NCOA6: variants seen among roughly 807,000 people sequenced by gnomAD.
NCOA6 encodes NRC RAP250.
NCOA6 carries 49 observed loss-of-function variants against 171.4 expected under a neutral mutation model. The ratio of observed to expected loss-of-function variants is 0.29; its 90% CI spans 0.23 to 0.36. The LOEUF (loss-of-function observed/expected upper bound fraction) is 0.36, where lower values mean the gene tolerates loss of function less well. Among genes scored for constraint, NCOA6 ranks in the 10% least tolerant of loss-of-function variants. The pLI is 1.00. For missense variants in NCOA6, 2,248 were observed against 2,554.5 expected (o/e 0.88, Z 2.59); for synonymous variants, 910 against 927.5 (o/e 0.98, Z 0.34).
At position 34,796,640 on chromosome 20, in the gene NCOA6, T is replaced by C. The variant is rs559615952; in HGVS notation, c.-163-4077A>G. ...CCAGCCCAGGCAACACAGTGAGATA[T>C]TGTTTCAACTAAAAAAAATAAATAA... On this transcript the variant is annotated intron_variant, in intron 1 of 14. Transcript: ENST00000359003. 6.6e-5 allele frequency among the ~76,000 whole-genome samples: 10 copies of C among 152,008 alleles called. No individual in the cohort carries two copies. In the South Asian group the frequency reaches 1.7e-3, roughly 25 times the overall value.
intron 1 of NCOA6, among the ~76,000 whole-genome samples, chr20:34,822,467 C>A (rs2079035179): frequency 6.6e-6 from 1 of 152,204 alleles, no homozygotes; most frequent in Non-Finnish European, 1.5e-5. Flanking sequence ...TAGGACACAT[C>A]TCAAATGTCA....
At chr20:34,731,650 T>C (rs2075782795) in intron 13 of NCOA6, among the ~76,000 whole-genome samples, 1 of 152,148 alleles carries the variant, frequency 6.6e-6, no homozygotes, top group Non-Finnish European at 1.5e-5. Context: ...GAAGATTAAA[T>C]GAAAAAAATA....
Position 34,749,784 on chromosome 20 carries a change from G to A in NCOA6, c.2411C>T (p.Pro804Leu), listed in dbSNP as rs758706608. Residue 804 changes from proline (P) to leucine (L), a missense_variant, in exon 9 of 15, where the codon CCT (proline) becomes CTT (leucine). Transcript: ENST00000359003. Reference protein sequence around the residue: ...SPHMAQQHGDPATTANNDVSL... With the variant: ...SPHMAQQHGDLATTANNDVSL... Reference sequence around the variant, plus strand: ...GACATCGTTATTTGCTGTAGTAGCAGGATCACCATGCTGCTGGGCCATGTG... The same window carrying A: ...GACATCGTTATTTGCTGTAGTAGCAAGATCACCATGCTGCTGGGCCATGTG... 6.2e-7 allele frequency: 1 copy of A among 1,614,242 alleles called. No individual in the cohort carries two copies. The highest frequency in any genetic ancestry group is 1.7e-5 in the Admixed American group (1 of 60,030).
intron 14 of NCOA6, among the ~76,000 whole-genome samples, chr20:34,724,145 G>T (rs1254729585): frequency 6.6e-6 from 1 of 152,082 alleles, no homozygotes; most frequent in African/African-American, 2.4e-5. Context: ...CCAGAGAGGA[G>T]GAATGAAGTT....
chr20:34,775,100 A>C (rs2037120435), intron 4 of NCOA6, among the ~76,000 whole-genome samples: 1 of 152,126 alleles, frequency 6.6e-6, no homozygotes, highest in Non-Finnish European at 1.5e-5. Flanking sequence ...AATGCAAAGG[A>C]CCTGTGGCAG....
chr20:34,721,554 A>C (rs897357413), intron 14 of NCOA6, among the ~76,000 whole-genome samples: 3 of 152,314 alleles, frequency 2.0e-5, no homozygotes, highest in South Asian at 2.1e-4. Flanking sequence ...GATTCTTATA[A>C]GGACTACACA....
Position 34,742,261 on chromosome 20 carries a change from G to A in NCOA6, c.3995C>T (p.Ser1332Phe). The change falls in exon 11 of 15, where the codon TCT (serine) becomes TTT (phenylalanine). Residue 1332 changes from serine to phenylalanine, a missense_variant. This residue lies in a region of NCOA6 where 884 missense variants were observed against 941.9 expected (regional missense o/e 0.94). Transcript: ENST00000359003. ...GGTTTTCCTACTGGACCCAGGACTA[G>A]ACCTGCGACTGTTGCTTGGACTTGC... ...KRASPSNSRR[S>F]SPGSSRKTTP... 1 of 1,614,226 alleles carries A rather than the reference G, an allele frequency of 6.2e-7. No individual in the cohort carries two copies.
intron 8 of NCOA6, 38 bp from the exon 9 acceptor site, chr20:34,750,557 ATT>A: frequency 6.5e-7 from 1 of 1,528,760 alleles, no homozygotes; most frequent in Admixed American, 2.2e-5. Context: ...AGAAATAAAT[ATT>A]TTTATCTTAT....
rs760661602 is a variant in NCOA6, at chr20:34,741,189, C to T, written c.5067G>A (p.Leu1689=). 2 of 1,614,100 alleles carry T rather than the reference C, an allele frequency of 1.2e-6. No homozygotes were observed. Among genetic ancestry groups the T allele is most frequent in the Non-Finnish European group, 1.7e-6 (2 of 1,180,048 alleles). ...CAACAACTGCAACAGAGGGAGGCATCAGGCCAGAGTTGGTTGTCAGTGGGG... is the reference window on the plus strand; with the variant it reads ...CAACAACTGCAACAGAGGGAGGCATTAGGCCAGAGTTGGTTGTCAGTGGGG... ...PAAPLTTNSG[L]MPPSVAVVGP... Residue 1689 remains leucine, a synonymous_variant, in exon 11 of 15, where the codon CTG becomes CTA. Transcript: ENST00000359003.
At position 34,813,115 on chromosome 20, in the gene NCOA6, C is replaced by T. The variant is rs183100464; in HGVS notation, c.-164+12357G>A. ...AGGAGGTTGCAGTGAGTCGAGATCA[C>T]GCCATTGCACTCCAGCCTGGGAGAC... is the stretch of plus-strand genomic sequence containing the variant. On this transcript the variant is annotated intron_variant, in intron 1 of 14. Transcript: ENST00000359003. Among the ~76,000 whole-genome samples the T allele has an allele frequency of 1.6e-3, 236 of 150,444 alleles. 1 individual carries two copies. The highest frequency in any genetic ancestry group is 6.7e-3 in the Admixed American group (101 of 15,092).
In NCOA6 at chr20:34,742,625, T is replaced by C; in HGVS notation, c.3631A>G (p.Thr1211Ala). 1 of 1,614,076 alleles carries C rather than the reference T, an allele frequency of 6.2e-7. No homozygotes were observed. Among genetic ancestry groups the C allele is most frequent in the South Asian group, 1.1e-5 (1 of 91,080 alleles). ...AAPTQTSRPKTPNRASPRPYY... is the reference protein window; with the variant it reads ...AAPTQTSRPKAPNRASPRPYY... ...GGTCTGGGGCTGGCTCTGTTTGGTG[T>C]TTTGGGCCTAGATGTCTGGGTTGGC... Residue 1211 changes from threonine to alanine, a missense_variant, in exon 11 of 15, where the codon ACA becomes GCA. Around this residue, in one of 7 missense-constraint regions of NCOA6, gnomAD observed 352 missense variants for 419.1 expected, o/e 0.84. Coordinates refer to ENST00000359003, the MANE Select transcript of NCOA6 (RefSeq NM_014071.5).
chr20:34,808,047 G>A (rs1389071866), intron 1 of NCOA6, among the ~76,000 whole-genome samples: 1 of 151,818 alleles, frequency 6.6e-6, no homozygotes, highest in Non-Finnish European at 1.5e-5. Flanking sequence ...CTACTCAGGA[G>A]GCTGAGGCAC....
chr20:34,776,779 A>C (rs950652741), intron 3 of NCOA6: 2 of 483,628 alleles, frequency 4.1e-6, no homozygotes, highest in Non-Finnish European at 8.1e-6. Context: ...ACAGGCAATG[A>C]ACGGAAAGCC....
At chr20:34,782,602 A>G (rs925203386) in intron 2 of NCOA6, among the ~76,000 whole-genome samples, 198 bp from the exon 3 acceptor site, 2 of 152,206 alleles carry the variant, frequency 1.3e-5, no homozygotes, top group Admixed American at 6.5e-5. Context: ...ATAAAAATAC[A>G]CTAGTCTTAA....
Position 34,758,795 on chromosome 20 carries a change from A to G in NCOA6, c.643+10T>C, listed in dbSNP as rs2076729120. The G allele has an allele frequency of 6.2e-7, 1 of 1,611,446 alleles. No homozygotes were observed. The highest frequency in any genetic ancestry group is 8.5e-7 in the Non-Finnish European group (1 of 1,179,304). On this transcript the variant is annotated intron_variant, in intron 6 of 14. Coordinates refer to ENST00000359003, the MANE Select transcript of NCOA6 (RefSeq NM_014071.5). ...CAGACTCTTCATCCTCAAAGATTGG[A>G]AGTCATTACCTGACTGAGAAGCAGG...
Position 34,715,358 on chromosome 20 carries a change from G to T in NCOA6, c.6156C>A (p.Thr2052=). The T allele has an allele frequency of 2.5e-6, 4 of 1,613,100 alleles. No individual in the cohort carries two copies. The highest frequency in any genetic ancestry group is 3.4e-6 in the Non-Finnish European group (4 of 1,179,066). The change falls in exon 15 of 15, where the codon ACC becomes ACA. Residue 2052 remains threonine, a synonymous_variant. Transcript: ENST00000359003. ...TTCTTCGCTTGGATTGCACCGCACTGGTTATGTCTGTGGGGGAAAGAAAGG... is the reference window on the plus strand; with the variant it reads ...TTCTTCGCTTGGATTGCACCGCACTTGTTATGTCTGTGGGGGAAAGAAAGG... ...ASASSSTKDI[T]SAVQSKRRKS...
chr20:34,808,989 C>T (rs2078559621), intron 1 of NCOA6, among the ~76,000 whole-genome samples: 1 of 152,218 alleles, frequency 6.6e-6, no homozygotes, highest in Non-Finnish European at 1.5e-5. Context: ...TAACTATATA[C>T]ACCTGCCCTT....
At chr20:34,732,723 T>C in intron 12 of NCOA6, 128 bp from the exon 13 acceptor site, 1 of 703,310 alleles carries the variant, frequency 1.4e-6, no homozygotes, top group Non-Finnish European at 2.4e-6. Flanking sequence ...ATTCTCACCC[T>C]ACATGGTATG....
chr20:34,727,310 C>T lies in NCOA6; in HGVS notation c.6097G>A (p.Gly2033Arg). The change falls in exon 14 of 15, where the codon GGA becomes AGA. Residue 2033 changes from glycine to arginine, a missense_variant. Coordinates refer to ENST00000359003, the MANE Select transcript of NCOA6 (RefSeq NM_014071.5). ...GGTCGAGAAGATCGTTTACGATGTC[C>T]ATTTTCCACACTTTCAGAGGCCACA... ...PTVASESVEN[G>R]HRKRSSRPAS... The T allele has an allele frequency of 1.9e-6, 3 of 1,614,176 alleles. No homozygotes were observed. The highest frequency in any genetic ancestry group is 2.5e-6 in the Non-Finnish European group (3 of 1,180,038).
Sources: allele counts gnomAD v4.1 joint callset (sites outside exome capture counted in the v4.1 genomes callset), GRCh38; gene constraint gnomAD v4.1.1; regional missense constraint gnomAD v4.1.1; transcripts MANE v1.5; gene names NCBI Gene and HGNC (gene_info 2026-07-23, HGNC 2026-07-21).